MAGEC3: variants seen among roughly 807,000 people sequenced by gnomAD.
The protein encoded by MAGEC3 is melanoma-associated antigen C3.
In MAGEC3, 34 loss-of-function variants were observed where a neutral mutation model predicts 35.3. That is an observed-to-expected ratio of 0.96 (90% CI 0.73 to 1.28). The LOEUF (loss-of-function observed/expected upper bound fraction) is 1.28. Among genes scored for constraint, MAGEC3 ranks in the 50% most tolerant of loss-of-function variants. The pLI is 0.00. For missense variants in MAGEC3, 561 were observed against 483.6 expected, an observed-to-expected ratio of 1.16 and a Z score of -1.50; for synonymous variants, 202 against 185.6, an observed-to-expected ratio of 1.09 and a Z score of -0.72.
At chrX:141,870,811 A>G (rs1425640441) in intron 2 of MAGEC3, among the ~76,000 whole-genome samples, 1 of 111,949 alleles carries the variant, frequency 8.9e-6, no homozygotes, top group African/African-American at 3.3e-5. Flanking sequence ...GGGCATGGTT[A>G]CTTCCATACC....
rs911950216 is a variant in MAGEC3 at position 141,841,061 on chromosome X, C to T, written c.123+2623C>T. ...GTGATAATAACTTCACTCTGCTTTT[C>T]CTTCTCACTTCTTTTCTTCTTTCTT... On this transcript the variant is annotated intron_variant, in intron 1 of 7. Coordinates refer to ENST00000298296, the MANE Select transcript of MAGEC3 (RefSeq NM_138702.1). Among the ~76,000 whole-genome samples the T allele has an allele frequency of 4.5e-5, 5 of 110,586 alleles. No homozygotes were observed. The South Asian group carries it at 1.9e-3, about 43-fold the overall frequency.
At chrX:141,859,652 A>T (rs2017803193) in intron 1 of MAGEC3, among the ~76,000 whole-genome samples, 1 of 111,207 alleles carries the variant, frequency 9.0e-6, no homozygotes, top group Admixed American at 9.6e-5. Context: ...AACAAACATC[A>T]AGTGACTCTA....
At chrX:141,895,665 G>C (rs1182269623) in intron 6 of MAGEC3, 106 bp downstream of exon 6, 4 of 644,418 alleles carry the variant, frequency 6.2e-6, no homozygotes, top group African/African-American at 5.1e-5. Context: ...CCTCATATCA[G>C]CCCTCGTAGA....
intron 1 of MAGEC3, among the ~76,000 whole-genome samples, chrX:141,851,936 C>T (rs2017753015): frequency 9.1e-6 from 1 of 110,468 alleles, no homozygotes; most frequent in Non-Finnish European, 1.9e-5. Context: ...CCCTGCATTT[C>T]CATATGAAAT....
chrX:141,838,452 T>C lies in MAGEC3; in HGVS notation c.123+14T>C, dbSNP rs757379905. 8.3e-7 allele frequency: 1 copy of C among 1,203,180 alleles called. No homozygotes were observed. The highest frequency in any genetic ancestry group is 1.8e-5 in the South Asian group (1 of 55,724). ...CCTCAGCCCCAGGTGTGGTAGCCCA[T>C]GAATGCTCATGTCTAAGCCCCAGGT... On this transcript the variant is annotated intron_variant, in intron 1 of 7. Coordinates refer to ENST00000298296, the MANE Select transcript of MAGEC3 (RefSeq NM_138702.1).
chrX:141,863,505 A>G (rs777750862), intron 1 of MAGEC3, among the ~76,000 whole-genome samples: 15 of 112,088 alleles, frequency 1.3e-4, no homozygotes, highest in African/African-American at 4.9e-4. Context: ...TACATTCATC[A>G]ATTGCAGTAC....
intron 2 of MAGEC3, among the ~76,000 whole-genome samples, chrX:141,874,962 G>A (rs933256524): frequency 8.9e-6 from 1 of 111,794 alleles, no homozygotes; most frequent in Non-Finnish European, 1.9e-5. Flanking sequence ...TTTAGTGGTA[G>A]ATGTAAGACT....
At chrX:141,895,125 C>A in intron 4 of MAGEC3, 144 bp from the exon 5 acceptor site, 1 of 551,326 alleles carries the variant, frequency 1.8e-6, no homozygotes. Flanking sequence ...GGGAGGTGGG[C>A]ACAAAGGGGT....
At chrX:141,896,717 C>G in intron 6 of MAGEC3, 165 bp from the exon 7 acceptor site, 1 of 1,211,837 alleles carries the variant, frequency 8.3e-7, no homozygotes, top group Non-Finnish European at 1.1e-6. Flanking sequence ...CCGAGTGTGA[C>G]AGAGGACTTG....
chrX:141,896,966 C>G lies in MAGEC3; in HGVS notation c.1208C>G (p.Ser403Cys). 2.5e-6 allele frequency: 3 copies of G among 1,196,674 alleles called. No individual in the cohort carries two copies. Among genetic ancestry groups the G allele is most frequent in the Non-Finnish European group, 3.4e-6 (3 of 887,587 alleles). ...EIPPQGPPKISPQGPPQSPPQ... is the reference protein window; with the variant it reads ...EIPPQGPPKICPQGPPQSPPQ... ...CCTCCCCAGGGTCCTCCCAAGATCT[C>G]TCCCCAGGGTCCTCCGCAGAGTCCT... The change falls in exon 7 of 8, where the codon TCT becomes TGT. Residue 403 changes from serine (S) to cysteine (C), a missense_variant. Physicochemically the swap from Ser to Cys is moderately radical, Grantham distance 112. Transcript: ENST00000298296.
Position 141,881,896 on chromosome X carries a change from A to G in MAGEC3, c.909+100A>G. 3 of 1,030,331 alleles carry G rather than the reference A, an allele frequency of 2.9e-6. No individual in the cohort carries two copies. In the Admixed American group the frequency reaches 6.9e-5, roughly 24 times the overall value. 84.9% of individuals were successfully genotyped at this position (1,030,331 alleles called of 1,213,427 possible). On this transcript the variant is annotated intron_variant, in intron 4 of 7. Transcript: ENST00000298296. Reference sequence around the variant, plus strand: ...TTACCTGGAGTAGCGACATGTGCCCAGTAGTGCTCCTCCACGTTATGAATT... The same window carrying G: ...TTACCTGGAGTAGCGACATGTGCCCGGTAGTGCTCCTCCACGTTATGAATT...
Position 141,881,623 on chromosome X carries a change from C to A in MAGEC3, c.736C>A (p.Pro246Thr). 1 of 1,211,188 alleles carries A rather than the reference C, an allele frequency of 8.3e-7. No homozygotes were observed. Among genetic ancestry groups the A allele is most frequent in the South Asian group, 1.8e-5 (1 of 56,930 alleles). The change falls in exon 4 of 8, where the codon CCC becomes ACC. Residue 246 changes from proline (P) to threonine (T), a missense_variant. Physicochemically the swap from Pro to Thr is conservative, Grantham distance 38 (BLOSUM62 -1). Coordinates refer to ENST00000298296, the MANE Select transcript of MAGEC3 (RefSeq NM_138702.1). ...TGGCATTTCCCTGACAGAAGTGGAC[C>A]CCGACCATTTCTATGTCTTTGTAAA... ...LFGISLTEVD[P>T]DHFYVFVNTL...
chrX:141,881,740 A>G lies in MAGEC3; in HGVS notation c.853A>G (p.Ile285Val), dbSNP rs747668933. 5.0e-6 allele frequency: 6 copies of G among 1,209,764 alleles called. No homozygotes were observed. In the East Asian group the frequency reaches 1.8e-4, roughly 36 times the overall value. ...GATTCTTATTCTGAGTGTGATCTTC[A>G]TAAAGGGCAACTGTGCATCTGAGGA... ...LLILILSVIF[I>V]KGNCASEEVI... The change falls in exon 4 of 8, where the codon ATA becomes GTA. Residue 285 changes from isoleucine (I) to valine (V), a missense_variant. By Grantham distance (29) the Ile-to-Val change is conservative (BLOSUM62 3). Transcript: ENST00000298296.
intron 1 of MAGEC3, among the ~76,000 whole-genome samples, chrX:141,843,715 G>T (rs922988707): frequency 4.5e-5 from 5 of 110,622 alleles, no homozygotes; most frequent in African/African-American, 1.6e-4. Flanking sequence ...ATAATCAAAG[G>T]CAAATCCCTC....
At chrX:141,875,245 T>G (rs1273713125) in intron 2 of MAGEC3, among the ~76,000 whole-genome samples, 1 of 111,364 alleles carries the variant, frequency 9.0e-6, no homozygotes, top group Admixed American at 9.5e-5. Context: ...CTGTTGGATT[T>G]GATAAAAATT....
At chrX:141,842,067 G>A (rs763207973) in intron 1 of MAGEC3, among the ~76,000 whole-genome samples, 23 of 111,799 alleles carry the variant, frequency 2.1e-4, no homozygotes, top group African/African-American at 7.4e-4. Context: ...TTGCTTAATA[G>A]TATGAACTGT....
intron 7 of MAGEC3, 62 bp from the exon 8 acceptor site, chrX:141,897,567 G>A (rs778869168): frequency 6.9e-5 from 82 of 1,191,567 alleles, no homozygotes; most frequent in Non-Finnish European, 9.1e-5. Flanking sequence ...GAAAGTACCT[G>A]GAGTACCGGG....
chrX:141,868,776 G>A (rs2017867086), intron 2 of MAGEC3, among the ~76,000 whole-genome samples: 1 of 110,878 alleles, frequency 9.0e-6, no homozygotes, highest in African/African-American at 3.3e-5. Context: ...TACAGGGACT[G>A]TGTACACAAA....
chrX:141,870,373 T>G (rs1310973995), intron 2 of MAGEC3, among the ~76,000 whole-genome samples: 4 of 111,624 alleles, frequency 3.6e-5, no homozygotes, highest in Admixed American at 2.8e-4. Flanking sequence ...CTTGACAAGT[T>G]TTGCTAAAGA....
Sources: allele counts gnomAD v4.1 joint callset (sites outside exome capture counted in the v4.1 genomes callset), GRCh38; gene constraint gnomAD v4.1.1; transcripts MANE v1.5; gene names NCBI Gene and HGNC (gene_info 2026-07-23, HGNC 2026-07-21).